Variants in ANK3 observed in about 807,000 individuals in gnomAD.
ANK3 encodes ankyrin 3.
In ANK3, 57 loss-of-function variants were observed where a neutral mutation model predicts 370.9. The observed-to-expected ratio is 0.15, with a 90% CI of 0.12 to 0.19. ANK3 has a LOEUF of 0.19. Ranked by LOEUF, ANK3 falls within the 10% of genes least tolerant of loss-of-function variation. The pLI is 1.00. For synonymous variants in ANK3, 1,929 were observed against 1,946.3 expected (o/e 0.99, Z 0.23); for missense variants, 4,439 against 5,302.1 (o/e 0.84, Z 5.06).
chr10:60,493,685 A>G (rs1436400675), intron 2 of ANK3, among the ~76,000 whole-genome samples: 1 of 152,016 alleles, frequency 6.6e-6, no homozygotes, highest in South Asian at 2.1e-4. Context: ...ACCCCAAAAA[A>G]TGGGTTGGCT....
At position 60,330,623 on chromosome 10, in the gene ANK3, C is replaced by G. The variant is rs111263110; in HGVS notation, c.115-50984G>C. ...TTAAAAAGTCAGGAAACAACAGATGCTGGAGAGGATGTGGAGAAATAGGAA... is the reference window on the plus strand; with the variant it reads ...TTAAAAAGTCAGGAAACAACAGATGGTGGAGAGGATGTGGAGAAATAGGAA... On this transcript the variant is annotated intron_variant, in intron 1 of 43. Coordinates refer to ENST00000280772, the MANE Select transcript of ANK3 (RefSeq NM_020987.5). Among the ~76,000 whole-genome samples the G allele has an allele frequency of 6.2e-3, 945 of 152,238 alleles. 8 individuals are homozygous for G. Among genetic ancestry groups the G allele is most frequent in the Middle Eastern group, 0.024 (7 of 294 alleles).
chr10:60,418,829 T>C (rs186214207), intron 2 of ANK3, among the ~76,000 whole-genome samples: 49 of 152,218 alleles, frequency 3.2e-4, no homozygotes, highest in Non-Finnish European at 5.0e-4. Flanking sequence ...TTAATTCCTG[T>C]ATTTATTTAG....
chr10:60,151,135 T>C (rs1414869254), intron 23 of ANK3, among the ~76,000 whole-genome samples: 2 of 152,222 alleles, frequency 1.3e-5, no homozygotes, highest in Non-Finnish European at 2.9e-5. Flanking sequence ...GTAACAAAGA[T>C]ACAGCACCAA....
chr10:60,512,814 T>G (rs1227522103), intron 2 of ANK3, among the ~76,000 whole-genome samples: 1 of 152,118 alleles, frequency 6.6e-6, no homozygotes, highest in Non-Finnish European at 1.5e-5. Flanking sequence ...ACAAGTAGAA[T>G]TAAGAGCTGC....
chr10:60,227,903 G>T (rs549074620), intron 8 of ANK3, among the ~76,000 whole-genome samples: 1 of 151,758 alleles, frequency 6.6e-6, no homozygotes, highest in Non-Finnish European at 1.5e-5. Flanking sequence ...TTTGACTGTC[G>T]GTCATATTTT....
At chr10:60,435,871 G>A (rs776200545) in intron 2 of ANK3, among the ~76,000 whole-genome samples, 17 of 152,090 alleles carry the variant, frequency 1.1e-4, no homozygotes, top group Non-Finnish European at 2.4e-4. Context: ...AGGCCGAGGC[G>A]GGCGGATCAC....
intron 42 of ANK3, among the ~76,000 whole-genome samples, chr10:60,051,775 T>C (rs2131897559): frequency 8.2e-6 from 1 of 121,878 alleles, no homozygotes; most frequent in Admixed American, 8.4e-5. Flanking sequence ...TAAGTGAAAT[T>C]ACTCTGTGCA....
intron 2 of ANK3, among the ~76,000 whole-genome samples, chr10:60,499,928 T>C (rs563411785): frequency 6.6e-6 from 1 of 152,196 alleles, no homozygotes; most frequent in Non-Finnish European, 1.5e-5. Context: ...CTATATCTAC[T>C]GAATTATTTT....
chr10:60,438,664 G>A (rs2064217958), intron 2 of ANK3, among the ~76,000 whole-genome samples: 1 of 152,200 alleles, frequency 6.6e-6, no homozygotes, highest in African/African-American at 2.4e-5. Context: ...CCAAATAAGT[G>A]ATCAGTACAA....
chr10:60,216,099 T>C (rs2096932651), intron 8 of ANK3, among the ~76,000 whole-genome samples: 1 of 152,182 alleles, frequency 6.6e-6, no homozygotes, highest in African/African-American at 2.4e-5. Flanking sequence ...TATTTTATTC[T>C]CTTTGTAGTG....
rs749245811 is a variant in ANK3, at chr10:60,069,182, G to C, written c.11699C>G (p.Ala3900Gly). ...KQVSQSEKTK[A>G]LTTSSCVDVK... The stretch of plus-strand genomic sequence containing the variant: ...ATCTACACATGAAGAAGTAGTAAGG[G>C]CTTTGGTTTTCTCGGATTGACTAAC... Residue 3900 changes from alanine to glycine, a missense_variant, in exon 37 of 44, where the codon GCC becomes GGC. Physicochemically the swap from Ala to Gly is moderately conservative, Grantham distance 60 (BLOSUM62 0). Around this residue, in one of 13 missense-constraint regions of ANK3, gnomAD observed 496 missense variants for 529.3 expected, o/e 0.94. Transcript: ENST00000280772. 2 of 1,614,128 alleles carry C rather than the reference G, an allele frequency of 1.2e-6. No individual in the cohort carries two copies. Among genetic ancestry groups the C allele is most frequent in the Non-Finnish European group, 1.7e-6 (2 of 1,180,012 alleles).
intron 23 of ANK3, among the ~76,000 whole-genome samples, chr10:60,163,826 G>A (rs924275633): frequency 2.0e-5 from 3 of 151,980 alleles, no homozygotes; most frequent in Admixed American, 2.0e-4. Flanking sequence ...CAAACTGGCA[G>A]CCTATATTGC....
chr10:60,278,014 A>T (rs2098115233), intron 4 of ANK3, among the ~76,000 whole-genome samples: 1 of 152,260 alleles, frequency 6.6e-6, no homozygotes, highest in Non-Finnish European at 1.5e-5. Context: ...ATTTTTAAAC[A>T]TAATAAAGCA....
At chr10:60,572,407 A>C in intron 2 of ANK3, 1 of 1,485,456 alleles carries the variant, frequency 6.7e-7, no homozygotes, top group Non-Finnish European at 9.0e-7. Flanking sequence ...CCTAAAGATC[A>C]CTTCCTCCCC....
At chr10:60,267,801 C>A (rs984510938) in intron 5 of ANK3, among the ~76,000 whole-genome samples, 1 of 152,168 alleles carries the variant, frequency 6.6e-6, no homozygotes, top group Admixed American at 6.5e-5. Flanking sequence ...ACAAAGAAAG[C>A]TATGGAATCA....
chr10:60,278,363 T>C (rs1040846379), intron 4 of ANK3, among the ~76,000 whole-genome samples: 1 of 152,160 alleles, frequency 6.6e-6, no homozygotes, highest in Non-Finnish European at 1.5e-5. Flanking sequence ...TACATATGAA[T>C]TTAAATAATC....
chr10:60,504,343 G>A (rs2075878645), intron 2 of ANK3, among the ~76,000 whole-genome samples: 1 of 152,152 alleles, frequency 6.6e-6, no homozygotes, highest in South Asian at 2.1e-4. Context: ...GGTAGGTGCA[G>A]CTTTCTTTAT....
chr10:60,279,688 A>G, intron 1 of ANK3, 49 bp from the exon 2 acceptor site: 1 of 1,407,150 alleles, frequency 7.1e-7, no homozygotes, highest in Admixed American at 1.8e-5. Flanking sequence ...GCTAATATGC[A>G]TGTTTATAAA....
intron 7 of ANK3, among the ~76,000 whole-genome samples, chr10:60,258,886 C>T (rs1340372392): frequency 1.3e-5 from 2 of 152,208 alleles, no homozygotes; most frequent in South Asian, 2.1e-4. Context: ...TTTTAATCTA[C>T]TTCTAACCAC....
Sources: allele counts gnomAD v4.1 joint callset (sites outside exome capture counted in the v4.1 genomes callset), GRCh38; gene constraint gnomAD v4.1.1; regional missense constraint gnomAD v4.1.1; transcripts MANE v1.5; gene names NCBI Gene and HGNC (gene_info 2026-07-23, HGNC 2026-07-21).